Variants in SLC24A3 observed in about 807,000 individuals in gnomAD.
SLC24A3 encodes the protein solute carrier family 24 member 3, also known as sodium/potassium/calcium exchanger 3.
SLC24A3 carries 28 observed loss-of-function variants against 75.8 expected under a neutral mutation model. The ratio of observed to expected loss-of-function variants is 0.37; its 90% confidence interval spans 0.27 to 0.51. The LOEUF is 0.51. Ranked by LOEUF, SLC24A3 falls within the 20% of genes least tolerant of loss-of-function variation. The probability of loss-of-function intolerance (pLI) is 0.94; values close to 1 mark genes in which losing one functional copy is unlikely to be tolerated. For synonymous variants in SLC24A3, 372 were observed against 334.1 expected (o/e 1.11, Z -1.24); for missense variants, 663 against 847.8 (o/e 0.78, Z 2.71).
chr20:19,323,919 CAA>C (rs1413560109), intron 2 of SLC24A3, among the ~76,000 whole-genome samples: 2 of 152,096 alleles, frequency 1.3e-5, no homozygotes, highest in South Asian at 4.1e-4. Flanking sequence ...ATTAGCATTT[CAA>C]AAAAGTCTGC....
intron 15 of SLC24A3, among the ~76,000 whole-genome samples, chr20:19,702,663 C>G (rs537484072): frequency 2.0e-5 from 3 of 151,804 alleles, no homozygotes; most frequent in African/African-American, 7.2e-5. Context: ...ATACAAACAT[C>G]CAATGCAGAC....
chr20:19,406,227 TGA>T (rs372337464), intron 2 of SLC24A3, among the ~76,000 whole-genome samples: 2 of 151,408 alleles, frequency 1.3e-5, no homozygotes, highest in East Asian at 1.9e-4. Flanking sequence ...TGTGTGTGTG[TGA>T]GAGAGAGAGA....
At chr20:19,673,226 C>A (rs1392236107) in intron 8 of SLC24A3, among the ~76,000 whole-genome samples, 1 of 152,178 alleles carries the variant, frequency 6.6e-6, no homozygotes, top group African/African-American at 2.4e-5. Context: ...CCGGCAATTC[C>A]TCTAATTTTA....
At chr20:19,252,647 G>GGGGGGC (rs1555783977) in intron 1 of SLC24A3, among the ~76,000 whole-genome samples, 1 of 148,088 alleles carries the variant, frequency 6.8e-6, no homozygotes, top group Non-Finnish European at 1.5e-5. Flanking sequence ...GAATGGCGGG[G>GGGGGGC]GGGGGTGCCT....
chr20:19,712,521 C>T (rs1004313208), intron 15 of SLC24A3, among the ~76,000 whole-genome samples: 2 of 151,958 alleles, frequency 1.3e-5, no homozygotes, highest in African/African-American at 4.8e-5. Flanking sequence ...CTAGCTAGAC[C>T]GAAAGTCTCA....
intron 2 of SLC24A3, among the ~76,000 whole-genome samples, chr20:19,507,011 C>T (rs1346920046): frequency 1.3e-5 from 2 of 152,198 alleles, no homozygotes; most frequent in African/African-American, 2.4e-5. Flanking sequence ...TACTTGACCT[C>T]GTTGAATGTA....
intron 8 of SLC24A3, 145 bp from the exon 9 acceptor site, chr20:19,673,455 CT>C (rs1340418853): frequency 1.5e-6 from 1 of 670,762 alleles, no homozygotes; most frequent in African/African-American, 1.8e-5. Flanking sequence ...GAGAATGTCT[CT>C]AGACCAGGAA....
intron 2 of SLC24A3, among the ~76,000 whole-genome samples, chr20:19,417,243 A>G (rs762118073): frequency 1.2e-4 from 18 of 152,216 alleles, no homozygotes; most frequent in Non-Finnish European, 2.4e-4. Flanking sequence ...AGGAAGTAAC[A>G]TGATCAGATT....
chr20:19,477,569 T>C (rs1326918331), intron 2 of SLC24A3, among the ~76,000 whole-genome samples: 2 of 152,186 alleles, frequency 1.3e-5, no homozygotes, highest in African/African-American at 4.8e-5. Flanking sequence ...GATCAGTGCT[T>C]CATCCAGAGT....
intron 2 of SLC24A3, among the ~76,000 whole-genome samples, chr20:19,479,261 C>A (rs1042266579): frequency 3.9e-5 from 6 of 152,320 alleles, no homozygotes; most frequent in African/African-American, 1.4e-4. Flanking sequence ...TGACTGTGGG[C>A]GAGCCACAGG....
chr20:19,628,586 G>T (rs1455153248), intron 6 of SLC24A3, among the ~76,000 whole-genome samples: 1 of 152,182 alleles, frequency 6.6e-6, no homozygotes, highest in Non-Finnish European at 1.5e-5. Context: ...GATTTTGGGG[G>T]TGCTTCTCAG....
intron 3 of SLC24A3, among the ~76,000 whole-genome samples, chr20:19,535,765 G>A (rs562723741): frequency 2.0e-4 from 30 of 152,272 alleles, no homozygotes; most frequent in Middle Eastern, 6.8e-3. Flanking sequence ...AGGGTACTGG[G>A]AGGGTGTCTT....
At chr20:19,318,394 G>A (rs1347796482) in intron 2 of SLC24A3, among the ~76,000 whole-genome samples, 11 of 152,176 alleles carry the variant, frequency 7.2e-5, no homozygotes, top group Non-Finnish European at 1.5e-5. Context: ...TGATGAGGAG[G>A]CTGAGAGACA....
intron 2 of SLC24A3, among the ~76,000 whole-genome samples, chr20:19,390,391 C>T (rs941617149): frequency 1.3e-5 from 2 of 152,200 alleles, no homozygotes; most frequent in African/African-American, 2.4e-5. Flanking sequence ...CATGGGTGGG[C>T]TTGCCACTAA....
chr20:19,430,746 CTAGG>C (rs1987086997), intron 2 of SLC24A3, among the ~76,000 whole-genome samples: 1 of 152,050 alleles, frequency 6.6e-6, no homozygotes, highest in Non-Finnish European at 1.5e-5. Context: ...ACAAGCACAG[CTAGG>C]TAGACTCACA....
chr20:19,249,939 T>C (rs1486876284), intron 1 of SLC24A3, among the ~76,000 whole-genome samples: 2 of 152,246 alleles, frequency 1.3e-5, no homozygotes, highest in African/African-American at 4.8e-5. Flanking sequence ...CTCAGCATTT[T>C]CAGACAGTTG....
At chr20:19,250,469 G>C (rs1367863130) in intron 1 of SLC24A3, among the ~76,000 whole-genome samples, 3 of 152,182 alleles carry the variant, frequency 2.0e-5, no homozygotes, top group Non-Finnish European at 4.4e-5. Flanking sequence ...ATTAAAGCCA[G>C]TCCCATTTCT....
chr20:19,278,089 T>G (rs113215978), intron 1 of SLC24A3, among the ~76,000 whole-genome samples: 2,301 of 152,320 alleles, frequency 0.015, 70 homozygotes, highest in African/African-American at 0.053. Flanking sequence ...TCTAGCACCT[T>G]CCTGTCATTG....
At chr20:19,340,972 A>C (rs1346598975) in intron 2 of SLC24A3, among the ~76,000 whole-genome samples, 1 of 152,172 alleles carries the variant, frequency 6.6e-6, no homozygotes, top group Non-Finnish European at 1.5e-5. Flanking sequence ...GTACACAGTG[A>C]ATGATAGAAC....
Sources: gnomAD v4.1 joint callset for allele counts (sites outside exome capture counted in the v4.1 genomes callset) on GRCh38, gnomAD v4.1.1 for gene constraint, MANE v1.5 for transcripts, NCBI Gene and HGNC (gene_info 2026-07-23, HGNC 2026-07-21) for gene names.